ENOSF1: variants seen among roughly 807,000 people sequenced by gnomAD.
The protein encoded by ENOSF1 is enolase superfamily member 1.
ENOSF1 carries 73 observed loss-of-function variants against 68.2 expected under a neutral mutation model. The observed-to-expected ratio is 1.07, with a 90% CI of 0.89 to 1.30. The LOEUF (loss-of-function observed/expected upper bound fraction) is 1.30. Among genes scored for constraint, ENOSF1 ranks in the 50% most tolerant of loss-of-function variants. The probability of loss-of-function intolerance (pLI) is 0.00; values close to 1 mark genes in which losing one functional copy is unlikely to be tolerated. For missense variants in ENOSF1, 589 were observed against 554.5 expected (o/e 1.06, Z -0.62); for synonymous variants, 223 against 210.4 (o/e 1.06, Z -0.52).
intron 13 of ENOSF1, 74 bp downstream of exon 13, chr18:677,669 T>C: frequency 6.5e-7 from 1 of 1,535,620 alleles, no homozygotes; most frequent in Non-Finnish European, 8.7e-7. Flanking sequence ...GCATGTGAAT[T>C]GCAAACCATC....
At chr18:697,955 G>A (rs1184002438) in intron 2 of ENOSF1, among the ~76,000 whole-genome samples, 1 of 152,068 alleles carries the variant, frequency 6.6e-6, no homozygotes, top group Non-Finnish European at 1.5e-5. Context: ...CGCCACACCT[G>A]GTTAATTTTG....
chr18:696,055 T>C (rs1240006014), intron 3 of ENOSF1, among the ~76,000 whole-genome samples: 2 of 152,202 alleles, frequency 1.3e-5, no homozygotes, highest in Non-Finnish European at 2.9e-5. Context: ...CTTATTGTGT[T>C]GGAATCCTTT....
At chr18:703,113 G>A (rs2078545424) in intron 2 of ENOSF1, among the ~76,000 whole-genome samples, 1 of 152,166 alleles carries the variant, frequency 6.6e-6, no homozygotes, top group African/African-American at 2.4e-5. Flanking sequence ...GTCTGAAAAA[G>A]GAGGAAGCCA....
rs894029261 is a variant in ENOSF1 at position 678,679 on chromosome 18, T to C, written c.918+17A>G. 6.2e-7 allele frequency: 1 copy of C among 1,613,442 alleles called. No individual in the cohort carries two copies. The highest frequency in any genetic ancestry group is 1.3e-5 in the African/African-American group (1 of 74,992). ...ACCCCAAGGGGACGTCATCCACCTG[T>C]TGGGGGCGTCACTCACCTGTTCTCC... On this transcript the variant is annotated intron_variant, in intron 12 of 15. Coordinates refer to ENST00000647584, the MANE Select transcript of ENOSF1 (RefSeq NM_017512.7).
chr18:696,342 A>G (rs1221507685), intron 3 of ENOSF1, among the ~76,000 whole-genome samples: 9 of 151,522 alleles, frequency 5.9e-5, no homozygotes, highest in Non-Finnish European at 1.2e-4. Flanking sequence ...CTCCTGAGTA[A>G]CTGGGACTAT....
chr18:666,938 GA>G (rs1312677141), downstream of ENOSF1, among the ~76,000 whole-genome samples: 3 of 39,870 alleles, frequency 7.5e-5, no homozygotes, highest in Non-Finnish European at 1.7e-4. Context: ...GATGGTGATG[GA>G]GATGGTGATG....
chr18:668,786 G>C (rs903375980), downstream of ENOSF1, among the ~76,000 whole-genome samples: 5 of 152,176 alleles, frequency 3.3e-5, no homozygotes. Context: ...GTTAGCTATG[G>C]GGGGAACAGG....
chr18:693,001 C>A (rs2077357986), intron 5 of ENOSF1: 1 of 1,180,818 alleles, frequency 8.5e-7, no homozygotes. Context: ...TTTTAACCGC[C>A]ACCCAGGTGT....
chr18:711,324 G>C (rs1014906975), intron 1 of ENOSF1, among the ~76,000 whole-genome samples: 3 of 152,134 alleles, frequency 2.0e-5, no homozygotes, highest in Non-Finnish European at 4.4e-5. Context: ...TACAAAAAGA[G>C]TATAGATAAT....
At chr18:695,016 G>C (rs980088591) in intron 3 of ENOSF1, among the ~76,000 whole-genome samples, 1 of 152,108 alleles carries the variant, frequency 6.6e-6, no homozygotes, top group Non-Finnish European at 1.5e-5. Flanking sequence ...ATATAACATT[G>C]ATAGAATATT....
intron 11 of ENOSF1, among the ~76,000 whole-genome samples, chr18:682,736 A>T (rs1482040117): frequency 6.7e-6 from 1 of 150,234 alleles, no homozygotes; most frequent in Non-Finnish European, 1.5e-5. Flanking sequence ...AAAAAAAAAA[A>T]GCCAGGCATG....
At chr18:668,104 C>T (rs1032699621), downstream of ENOSF1, among the ~76,000 whole-genome samples, 1 of 149,434 alleles carries the variant, frequency 6.7e-6, no homozygotes. Flanking sequence ...TTGGTGCATT[C>T]CTCAGAGTTG....
At chr18:703,639 C>T (rs976662358) in intron 2 of ENOSF1, among the ~76,000 whole-genome samples, 1 of 152,164 alleles carries the variant, frequency 6.6e-6, no homozygotes, top group African/African-American at 2.4e-5. Context: ...TCTTTCTCTG[C>T]CTGGCAAATT....
At chr18:674,556 T>G in intron 15 of ENOSF1, 150 bp from the exon 16 acceptor site, 2 of 528,252 alleles carry the variant, frequency 3.8e-6, no homozygotes, top group Non-Finnish European at 6.6e-6. Context: ...TCACTGTCCG[T>G]TGCCCAGGCT....
chr18:691,209 G>A lies in ENOSF1; in HGVS notation c.491C>T (p.Ala164Val). The A allele has an allele frequency of 6.2e-7, 1 of 1,614,100 alleles. No individual in the cohort carries two copies. Reference protein sequence around the residue: ...YITDVLTEEDALEILQKGQIG... With the variant: ...YITDVLTEEDVLEILQKGQIG... ...CAGAAAGCTTCCAAACTCACCTAGG[G>A]CATCCTCCTCAGTCAGGACATCAGT... Residue 164 changes from alanine (A) to valine (V), a missense_variant, in exon 6 of 16, where the codon GCC (alanine) becomes GTC (valine). Transcript: ENST00000647584.
intron 9 of ENOSF1, chr18:686,366 GAGTA>G: frequency 4.0e-6 from 1 of 252,002 alleles, no homozygotes; most frequent in Non-Finnish European, 7.7e-6. Context: ...AAGGGGTGCC[GAGTA>G]AGCCACACTG....
chr18:683,213 A>T, intron 11 of ENOSF1, 33 bp downstream of exon 11: 1 of 1,611,944 alleles, frequency 6.2e-7, no homozygotes, highest in Non-Finnish European at 8.5e-7. Context: ...ACAGAAAAAT[A>T]AGCTGCCACA....
At chr18:705,490 G>A (rs778111102) in intron 2 of ENOSF1, among the ~76,000 whole-genome samples, 23 of 152,222 alleles carry the variant, frequency 1.5e-4, no homozygotes, top group African/African-American at 4.3e-4. Flanking sequence ...AAAATGAGAC[G>A]GCTCAAGATC....
intron 12 of ENOSF1, chr18:678,186 A>C: frequency 6.3e-6 from 2 of 316,292 alleles, no homozygotes; most frequent in Non-Finnish European, 1.2e-5. Context: ...ATCAGGATGA[A>C]ATACGGTGAC....
Sources: allele counts gnomAD v4.1 joint callset (sites outside exome capture counted in the v4.1 genomes callset), GRCh38; gene constraint gnomAD v4.1.1; transcripts MANE v1.5; gene names NCBI Gene and HGNC (gene_info 2026-07-23, HGNC 2026-07-21).